VDR: variants seen among roughly 807,000 people sequenced by gnomAD.
The protein encoded by VDR is vitamin D3 receptor.
Under a neutral mutation model 39.7 loss-of-function variants are expected in VDR, and 19 were observed. That is an observed-to-expected ratio of 0.48 (90% confidence interval 0.33 to 0.70). VDR has a LOEUF of 0.70. VDR is among the 30% of genes least tolerant of loss of function. The probability of loss-of-function intolerance (pLI) is 0.02; values close to 1 mark genes in which losing one functional copy is unlikely to be tolerated. For synonymous variants in VDR, 242 were observed against 215.8 expected (o/e 1.12, Z -1.07); for missense variants, 442 against 570.5 (o/e 0.77, Z 2.29).
chr12:47,867,950 A>T (rs1215496140), intron 3 of VDR, among the ~76,000 whole-genome samples: 1 of 151,990 alleles, frequency 6.6e-6, no homozygotes. Flanking sequence ...TAGAGAAGAG[A>T]CCAGAGTAGG....
chr12:47,879,849 T>C (rs1946108412), intron 2 of VDR, among the ~76,000 whole-genome samples: 1 of 152,206 alleles, frequency 6.6e-6, no homozygotes, highest in Admixed American at 6.5e-5. Flanking sequence ...AATTGTGTTT[T>C]CAGAGATGGT....
chr12:47,852,573 T>G (rs917530327), intron 7 of VDR, among the ~76,000 whole-genome samples: 2 of 152,228 alleles, frequency 1.3e-5, no homozygotes, highest in African/African-American at 2.4e-5. Flanking sequence ...AAATGTGCAA[T>G]GCAGTAGGAG....
chr12:47,874,835 T>G (rs936357873), intron 3 of VDR, among the ~76,000 whole-genome samples: 3 of 152,196 alleles, frequency 2.0e-5, no homozygotes, highest in African/African-American at 7.2e-5. Context: ...ACCATATGCA[T>G]CCACATGCAT....
chr12:47,879,392 T>C (rs1043019851), intron 2 of VDR, among the ~76,000 whole-genome samples: 1 of 152,196 alleles, frequency 6.6e-6, no homozygotes, highest in African/African-American at 2.4e-5. Context: ...TTGGGTTTAG[T>C]GGTTCACCTC....
At position 47,873,351 on chromosome 12, in the gene VDR, CTTTTTTTTTTT is replaced by C. The variant is rs71077177; in HGVS notation, c.146+5606_146+5616del. ...ACCATGAGTCAATTAAACCTGTTTT[CTTTTTTTTTTT>C]TTTTTTTTTTTTTTTTTTGAGACGG... On this transcript the variant is annotated intron_variant, in intron 3 of 9. Coordinates refer to ENST00000549336, the MANE Select transcript of VDR (RefSeq NM_000376.3). Among the ~76,000 whole-genome samples the C allele has an allele frequency of 2.0e-3, 195 of 98,450 alleles. 3 individuals are homozygous for C. The highest frequency in any genetic ancestry group is 5.6e-3 in the African/African-American group (133 of 23,850). 64.6% of individuals were successfully genotyped at this position (98,450 alleles called of 152,430 possible).
intron 7 of VDR, among the ~76,000 whole-genome samples, chr12:47,848,555 C>CTTTTTT (rs1162881183): frequency 0.012 from 677 of 58,158 alleles, 106 homozygotes; most frequent in Admixed American, 0.016. Flanking sequence ...TTTTCTACTC[C>CTTTTTT]TTTTTTTTTT....
chr12:47,867,247 G>A (rs996878092), intron 3 of VDR, among the ~76,000 whole-genome samples: 20 of 152,128 alleles, frequency 1.3e-4, no homozygotes, highest in African/African-American at 4.3e-4. Context: ...CCCGCTACTC[G>A]GGAGGCTGAG....
At chr12:47,885,183 C>A (rs1946229474) in intron 1 of VDR, among the ~76,000 whole-genome samples, 1 of 152,196 alleles carries the variant, frequency 6.6e-6, no homozygotes, top group African/African-American at 2.4e-5. Context: ...AAACCCCCAG[C>A]ACTAAGCTTC....
chr12:47,892,896 G>A (rs546284441), intron 1 of VDR, among the ~76,000 whole-genome samples: 1 of 152,328 alleles, frequency 6.6e-6, no homozygotes, highest in East Asian at 1.9e-4. Flanking sequence ...GAGACAGGAA[G>A]GAGCAGAGGA....
intron 7 of VDR, among the ~76,000 whole-genome samples, chr12:47,848,674 C>A (rs1945327755): frequency 6.9e-6 from 1 of 144,278 alleles, no homozygotes; most frequent in Admixed American, 7.4e-5. Context: ...TCAAGCAATT[C>A]TCCTACCTCA....
intron 4 of VDR, 136 bp from the exon 5 acceptor site, chr12:47,857,824 G>A (rs905516413): frequency 1.5e-5 from 13 of 892,842 alleles, no homozygotes; most frequent in East Asian, 2.6e-5. Context: ...CTCCTGCCAC[G>A]GAGACTCCCA....
chr12:47,849,865 T>A (rs1592099617), intron 7 of VDR, among the ~76,000 whole-genome samples: 1 of 152,322 alleles, frequency 6.6e-6, no homozygotes, highest in Non-Finnish European at 1.5e-5. Flanking sequence ...TTTTAATTTT[T>A]TTTTTGAGAC....
At chr12:47,878,937 C>A (rs1325277033) in intron 3 of VDR, 31 bp downstream of exon 3, 3 of 1,614,132 alleles carry the variant, frequency 1.9e-6, no homozygotes, top group Admixed American at 1.7e-5. Context: ...CCCTCCCTTT[C>A]CACTGGGGAG....
intron 3 of VDR, among the ~76,000 whole-genome samples, chr12:47,876,227 G>T (rs1411473759): frequency 3.9e-5 from 6 of 151,912 alleles, no homozygotes; most frequent in African/African-American, 1.5e-4. Context: ...GACTGTGTGT[G>T]TGTGTGTGTG....
chr12:47,862,340 C>G (rs114721725), intron 4 of VDR, among the ~76,000 whole-genome samples: 1 of 152,130 alleles, frequency 6.6e-6, no homozygotes, highest in African/African-American at 2.4e-5. Context: ...ACTGGGGCCA[C>G]GAGAGGCTGC....
At chr12:47,877,357 T>G (rs966969243) in intron 3 of VDR, among the ~76,000 whole-genome samples, 4 of 152,194 alleles carry the variant, frequency 2.6e-5, no homozygotes, top group African/African-American at 9.7e-5. Context: ...AAATCTCAGC[T>G]TTTTTCATCA....
intron 1 of VDR, among the ~76,000 whole-genome samples, chr12:47,894,901 T>C (rs1263925455): frequency 6.6e-6 from 1 of 152,090 alleles, no homozygotes; most frequent in Non-Finnish European, 1.5e-5. Flanking sequence ...TGGATCCACA[T>C]GGGGCATGAG....
chr12:47,866,347 G>A (rs1331878495), intron 3 of VDR, among the ~76,000 whole-genome samples: 5 of 152,204 alleles, frequency 3.3e-5, no homozygotes, highest in Admixed American at 2.0e-4. Context: ...CGCCTGCCTC[G>A]GCCTCCCAAA....
intron 1 of VDR, among the ~76,000 whole-genome samples, chr12:47,899,047 G>A (rs56302696): frequency 1.7e-3 from 265 of 152,132 alleles, no homozygotes; most frequent in Middle Eastern, 3.4e-3. Flanking sequence ...GTGATATATC[G>A]CGGTTTTTAA....
Sources: allele counts gnomAD v4.1 joint callset (sites outside exome capture counted in the v4.1 genomes callset), GRCh38; gene constraint gnomAD v4.1.1; transcripts MANE v1.5; gene names NCBI Gene and HGNC (gene_info 2026-07-23, HGNC 2026-07-21).